HPX: variants seen among roughly 807,000 people sequenced by gnomAD.
HPX encodes the protein beta-1B-glycoprotein.
In HPX, 42 loss-of-function variants were observed where a neutral mutation model predicts 53.8. That is an observed-to-expected ratio of 0.78 (90% CI 0.61 to 1.01). The LOEUF is 1.01. HPX is among the 50% of genes least tolerant of loss of function. HPX has a pLI of 0.00. For missense variants in HPX, 547 were observed against 594.3 expected (o/e 0.92, Z 0.83); for synonymous variants, 229 against 221.1 (o/e 1.04, Z -0.32).
At position 6,431,870 on chromosome 11, in the gene HPX, T is replaced by C. The variant is rs1249003456; in HGVS notation, c.966+17A>G. The C allele has an allele frequency of 6.2e-7, 1 of 1,613,928 alleles. No individual in the cohort carries two copies. The highest frequency in any genetic ancestry group is 1.7e-5 in the Admixed American group (1 of 60,004). Reference sequence around the variant, plus strand: ...CTTGTCCCAGTCTCTACCTCAAGCCTCTCCCCCAATACACACCTGGACCAG... The same window carrying C: ...CTTGTCCCAGTCTCTACCTCAAGCCCCTCCCCCAATACACACCTGGACCAG... On this transcript the variant is annotated intron_variant, in intron 8 of 9. Transcript: ENST00000265983.
intron 1 of HPX, 65 bp from the exon 2 acceptor site, chr11:6,440,795 C>G: frequency 6.3e-7 from 1 of 1,593,072 alleles, no homozygotes; most frequent in Non-Finnish European, 8.6e-7. Flanking sequence ...GCCCCTGACC[C>G]CAAATTTGAC....
intron 8 of HPX, 24 bp downstream of exon 8, chr11:6,431,863 T>TCAAGCCTCTCCCC (rs1249569444): frequency 6.2e-7 from 1 of 1,613,978 alleles, no homozygotes; most frequent in Admixed American, 1.7e-5. Context: ...AGTCTCTACC[T>TCAAGCCTCTCCCC]CAAGCCTCTC....
At chr11:6,431,519 C>T in intron 9 of HPX, 49 bp from the exon 10 acceptor site, 4 of 1,611,316 alleles carry the variant, frequency 2.5e-6, no homozygotes, top group Non-Finnish European at 3.4e-6. Context: ...CATGGGGATC[C>T]TGACCTAGGC....
In HPX at chr11:6,431,383, G is replaced by C; in HGVS notation, c.1217C>G (p.Ala406Gly). The C allele has an allele frequency of 6.2e-7, 1 of 1,614,260 alleles. No individual in the cohort carries two copies. The highest frequency in any genetic ancestry group is 8.5e-7 in the Non-Finnish European group (1 of 1,180,042). Residue 406 changes from alanine (A) to glycine (G), a missense_variant, in exon 10 of 10, where the codon GCC (alanine) becomes GGC (glycine). Physicochemically the swap from Ala to Gly is moderately conservative, Grantham distance 60. Transcript: ENST00000265983. ...LPWPHEKVDG[A>G]LCMEKSLGPN... ...GCCAAGGGACTTTTCCATACACAAG[G>C]CTCCGTCTACCTTCTCATGGGGCCA...
chr11:6,439,515 A>G (rs931686925), intron 4 of HPX: 2 of 154,498 alleles, frequency 1.3e-5, no homozygotes, highest in Admixed American at 1.3e-4. Context: ...CACAGCATAG[A>G]TATTCCTCAG....
intron 4 of HPX, among the ~76,000 whole-genome samples, chr11:6,439,354 C>T (rs992772781): frequency 1.5e-4 from 23 of 152,096 alleles, no homozygotes; most frequent in Non-Finnish European, 2.4e-4. Context: ...ATTTTGGGGT[C>T]ATTTACTGAA....
At chr11:6,435,826 AT>A (rs1287962451) in intron 7 of HPX, among the ~76,000 whole-genome samples, 1 of 152,072 alleles carries the variant, frequency 6.6e-6, no homozygotes, top group Non-Finnish European at 1.5e-5. Context: ...CATACATGAC[AT>A]TTTTCATTTA....
rs535172718 is a variant in HPX at position 6,438,650 on chromosome 11, G to C, written c.337-141C>G. 4.0e-6 allele frequency: 3 copies of C among 754,592 alleles called. No individual in the cohort carries two copies. The South Asian group carries it at 5.3e-5, about 13-fold the overall frequency. 46.7% of individuals were successfully genotyped at this position (754,592 alleles called of 1,614,324 possible). A position where few individuals can be genotyped will look rare whatever the true frequency, so the allele number is the denominator to read the frequency against. On this transcript the variant is annotated intron_variant, in intron 4 of 9. Transcript: ENST00000265983. ...TCTCAGTCCATCTGTGGACAACAAT[G>C]TGCTGTCCTTTTGCACATTACACAC...
Position 6,437,057 on chromosome 11 carries a change from T to C in HPX, c.824A>G (p.Tyr275Cys). ...ALTSDNHGAT[Y>C]AFSGTHYWRL... ...GGGGCATCTCTCACCACTGAAGGCA[T>C]AGGTGGCACCATGGTTGTCAGACGT... Residue 275 changes from tyrosine (Y) to cysteine (C), a missense_variant, in exon 7 of 10, where the codon TAT becomes TGT. Coordinates refer to ENST00000265983, the MANE Select transcript of HPX (RefSeq NM_000613.3). 1.9e-6 allele frequency: 3 copies of C among 1,614,070 alleles called. No homozygotes were observed. The highest frequency in any genetic ancestry group is 8.5e-7 in the Non-Finnish European group (1 of 1,179,984).
At chr11:6,436,930 G>T in intron 7 of HPX, 116 bp downstream of exon 7, 1 of 1,158,544 alleles carries the variant, frequency 8.6e-7, no homozygotes, top group Non-Finnish European at 1.3e-6. Flanking sequence ...GAAGGATGGG[G>T]ACAGAGGGGA....
rs1197935324 is a variant in HPX at position 6,437,531 on chromosome 11, G to T, written c.612C>A (p.Asn204Lys). Reference sequence around the variant, plus strand: ...TGACAGGGTCGAAGCGCAGGAATTGGTTACCCTGGAAGCAGTAGTAGCGGC... The same window carrying T: ...TGACAGGGTCGAAGCGCAGGAATTGTTTACCCTGGAAGCAGTAGTAGCGGC... ...WLGRYYCFQG[N>K]QFLRFDPVRG... Residue 204 changes from asparagine (N) to lysine (K), a missense_variant, in exon 6 of 10, where the codon AAC becomes AAA. Coordinates refer to ENST00000265983, the MANE Select transcript of HPX (RefSeq NM_000613.3). 2 of 1,614,090 alleles carry T rather than the reference G, an allele frequency of 1.2e-6. No homozygotes were observed. The highest frequency in any genetic ancestry group is 8.5e-7 in the Non-Finnish European group (1 of 1,180,030).
chr11:6,436,564 T>C (rs752747520), intron 7 of HPX, among the ~76,000 whole-genome samples: 2 of 152,226 alleles, frequency 1.3e-5, no homozygotes, highest in African/African-American at 2.4e-5. Context: ...TGAGAACATC[T>C]CATCCCCAGG....
chr11:6,431,793 A>T lies in HPX; in HGVS notation c.977T>A (p.Val326Glu). Reference sequence around the variant, plus strand: ...GCCTCCCTTTGTCAGGAAGACATATACCTGGGTGCCCTGGAGGACAAAGGA... The same window carrying T: ...GCCTCCCTTTGTCAGGAAGACATATTCCTGGGTGCCCTGGAGGACAAAGGA... The part of the protein sequence containing the change: ...EKLYLVQGTQ[V>E]YVFLTKGGYT... Residue 326 changes from valine (V) to glutamate (E), a missense_variant, in exon 9 of 10, where the codon GTA becomes GAA. Physicochemically the swap from Val to Glu is moderately radical, Grantham distance 121. Transcript: ENST00000265983. The T allele has an allele frequency of 6.2e-7, 1 of 1,614,146 alleles. No homozygotes were observed.
In HPX at chr11:6,440,531, G is replaced by A; in HGVS notation, c.150C>T (p.Cys50=). ...TAGCATCAAAGCTCCAGCCATCTGA[G>A]CAGCGTTCTGGGGTGGAGGTAGGGA... The part of the protein sequence containing the change: ...TKPDPDVTER[C]SDGWSFDATT... The change falls in exon 3 of 10, where the codon TGC becomes TGT. Residue 50 remains cysteine (C), a synonymous_variant. Transcript: ENST00000265983. The A allele has an allele frequency of 6.7e-7, 1 of 1,497,274 alleles. No individual in the cohort carries two copies. Among genetic ancestry groups the A allele is most frequent in the African/African-American group, 1.5e-5 (1 of 65,084 alleles). The allele number at this position is 1,497,274 out of a possible 1,614,324, so 92.7% of individuals were successfully genotyped here. A position where few individuals can be genotyped will look rare whatever the true frequency, so the allele number is the denominator to read the frequency against.
At chr11:6,437,922 A>T in intron 5 of HPX, 3 of 563,648 alleles carry the variant, frequency 5.3e-6, no homozygotes, top group Non-Finnish European at 9.5e-6. Context: ...TAAAAGGCAC[A>T]CAAGGAGAGA....
chr11:6,438,545 C>T, intron 4 of HPX, 36 bp from the exon 5 acceptor site: 3 of 1,591,820 alleles, frequency 1.9e-6, no homozygotes, highest in Non-Finnish European at 2.6e-6. Context: ...GACTGTGCAT[C>T]CCCAGATACT....
chr11:6,440,437 C>T (rs1454779853), intron 3 of HPX, 30 bp downstream of exon 3: 1 of 1,600,646 alleles, frequency 6.2e-7, no homozygotes, highest in South Asian at 1.1e-5. Flanking sequence ...AGTCTAAGGT[C>T]CTAAACGCCC....
intron 7 of HPX, among the ~76,000 whole-genome samples, chr11:6,432,828 C>T (rs1269455038): frequency 6.6e-6 from 1 of 152,144 alleles, no homozygotes; most frequent in Non-Finnish European, 1.5e-5. Context: ...CTTTGGGCCT[C>T]TTCTCTTCTC....
intron 4 of HPX, among the ~76,000 whole-genome samples, chr11:6,439,424 A>G (rs1849457381): frequency 1.3e-5 from 2 of 152,144 alleles, no homozygotes; most frequent in Non-Finnish European, 1.5e-5. Context: ...AGTTTGGGGG[A>G]TGCTGAATTT....
Sources: gnomAD v4.1 joint callset for allele counts (sites outside exome capture counted in the v4.1 genomes callset) on GRCh38, gnomAD v4.1.1 for gene constraint, MANE v1.5 for transcripts, NCBI Gene and HGNC (gene_info 2026-07-23, HGNC 2026-07-21) for gene names.